Variants in GALNTL6 observed in about 807,000 individuals in gnomAD.
GALNTL6 encodes polypeptide N-acetylgalactosaminyltransferase like 6, also known as polypeptide N-acetylgalactosaminyltransferase-like 6.
In GALNTL6, 46 loss-of-function variants were observed where a neutral mutation model predicts 73.7. The observed-to-expected ratio is 0.62, with a 90% CI of 0.49 to 0.80. GALNTL6 has a LOEUF of 0.80. Among genes scored for constraint, GALNTL6 ranks in the 30% least tolerant of loss-of-function variants. The pLI is 0.00. For synonymous variants in GALNTL6, 259 were observed against 263.7 expected (o/e 0.98, Z 0.17); for missense variants, 604 against 755.0 (o/e 0.80, Z 2.34).
At chr4:172,682,247 A>C (rs1411428735) in intron 5 of GALNTL6, among the ~76,000 whole-genome samples, 1 of 152,126 alleles carries the variant, frequency 6.6e-6, no homozygotes, top group African/African-American at 2.4e-5. Flanking sequence ...TAAAAAAAAG[A>C]ATTCTTCTTT....
At chr4:172,785,545 T>TA in intron 5 of GALNTL6, among the ~76,000 whole-genome samples, 1 of 152,086 alleles carries the variant, frequency 6.6e-6, no homozygotes, top group Middle Eastern at 3.4e-3. Flanking sequence ...AGTTATAGCA[T>TA]AAAAAAAGTC....
At chr4:172,265,711 T>A (rs11944830) in intron 3 of GALNTL6, among the ~76,000 whole-genome samples, 86,117 of 151,926 alleles carry the variant, frequency 0.57, 25,644 homozygotes, top group African/African-American at 0.77. Flanking sequence ...CTTAGTGTTC[T>A]TATGCATAAT....
At chr4:172,020,930 A>T (rs1046910834) in intron 2 of GALNTL6, among the ~76,000 whole-genome samples, 20 of 152,178 alleles carry the variant, frequency 1.3e-4, no homozygotes, top group African/African-American at 4.6e-4. Context: ...TGAATTCAAC[A>T]ACACATTGAA....
intron 10 of GALNTL6, among the ~76,000 whole-genome samples, chr4:172,978,268 T>C (rs1044850998): frequency 1.3e-5 from 2 of 152,188 alleles, no homozygotes. Flanking sequence ...GCTTCTTGGG[T>C]TGACTGTATA....
Position 172,242,009 on chromosome 4 carries a change from T to G in GALNTL6, c.247+12245T>G, listed in dbSNP as rs146370832. ...TCCTTTAATACAGTATAAAAGAGAA[T>G]GTACATTTTGATATTGATTCATTAT... is the stretch of plus-strand genomic sequence containing the variant. On this transcript the variant is annotated intron_variant, in intron 3 of 12. Coordinates refer to ENST00000506823, the MANE Select transcript of GALNTL6 (RefSeq NM_001034845.3). 8.1e-3 allele frequency among the ~76,000 whole-genome samples: 1,234 copies of G among 152,270 alleles called. 22 individuals are homozygous for G. The highest frequency in any genetic ancestry group is 0.028 in the African/African-American group (1,171 of 41,568).
intron 2 of GALNTL6, among the ~76,000 whole-genome samples, chr4:172,206,790 TTG>T (rs1213252054): frequency 3.9e-5 from 2 of 51,000 alleles, no homozygotes; most frequent in Admixed American, 2.6e-4. Flanking sequence ...TTGTTTTGTT[TTG>T]TTTTGTTTTT....
chr4:172,653,732 A>C (rs1286678955), intron 5 of GALNTL6, among the ~76,000 whole-genome samples: 4 of 152,226 alleles, frequency 2.6e-5, no homozygotes, highest in African/African-American at 9.6e-5. Context: ...AAACATATAG[A>C]TAATTTCATG....
At chr4:173,034,076 A>G (rs1425807425) in intron 12 of GALNTL6, among the ~76,000 whole-genome samples, 1 of 152,106 alleles carries the variant, frequency 6.6e-6, no homozygotes, top group African/African-American at 2.4e-5. Flanking sequence ...TTTCCTCTAG[A>G]CATCCACCTC....
intron 11 of GALNTL6, among the ~76,000 whole-genome samples, chr4:173,020,064 G>A (rs571791101): frequency 7.9e-5 from 12 of 152,318 alleles, no homozygotes; most frequent in South Asian, 2.1e-4. Context: ...CCAGCCTGCC[G>A]TAAGTCCTAT....
intron 5 of GALNTL6, among the ~76,000 whole-genome samples, chr4:172,706,135 ATTTG>A (rs1446919769): frequency 1.3e-5 from 2 of 151,990 alleles, no homozygotes; most frequent in Non-Finnish European, 2.9e-5. Flanking sequence ...TATCCTCTAG[ATTTG>A]TAAGCATTCT....
chr4:171,884,916 G>A (rs1229961065), intron 2 of GALNTL6, among the ~76,000 whole-genome samples: 1 of 152,002 alleles, frequency 6.6e-6, no homozygotes, highest in Non-Finnish European at 1.5e-5. Flanking sequence ...AATTAGCTGA[G>A]TGTGGTGGTG....
chr4:171,892,752 C>T (rs775595299), intron 2 of GALNTL6, among the ~76,000 whole-genome samples: 4 of 152,010 alleles, frequency 2.6e-5, no homozygotes, highest in African/African-American at 4.8e-5. Flanking sequence ...TTTGTATAGA[C>T]GAGGTCTTGC....
At chr4:172,015,140 G>A (rs1276770488) in intron 2 of GALNTL6, among the ~76,000 whole-genome samples, 1 of 152,060 alleles carries the variant, frequency 6.6e-6, no homozygotes, top group African/African-American at 2.4e-5. Context: ...ATCTAATGCT[G>A]TCAGTGGAGT....
At chr4:172,120,478 T>C (rs916042476) in intron 2 of GALNTL6, among the ~76,000 whole-genome samples, 1 of 152,094 alleles carries the variant, frequency 6.6e-6, no homozygotes, top group Non-Finnish European at 1.5e-5. Context: ...ATAACTTTCT[T>C]TTATAAGGAC....
chr4:172,333,572 C>T (rs1238746986), intron 4 of GALNTL6, among the ~76,000 whole-genome samples: 2 of 152,138 alleles, frequency 1.3e-5, no homozygotes, highest in Non-Finnish European at 2.9e-5. Context: ...TAATTTCTCC[C>T]ATTAAACAGT....
At chr4:172,527,602 A>C (rs1303618373) in intron 5 of GALNTL6, among the ~76,000 whole-genome samples, 1 of 152,168 alleles carries the variant, frequency 6.6e-6, no homozygotes. Flanking sequence ...ACCACTTTGC[A>C]TATAACCAGG....
At chr4:171,889,857 A>G (rs1323676214) in intron 2 of GALNTL6, among the ~76,000 whole-genome samples, 1 of 152,122 alleles carries the variant, frequency 6.6e-6, no homozygotes, top group African/African-American at 2.4e-5. Context: ...GTAAAAGTCA[A>G]GTCATTTTCT....
intron 2 of GALNTL6, among the ~76,000 whole-genome samples, chr4:171,955,781 A>ATATATAAATG (rs1229130980): frequency 2.6e-5 from 4 of 151,904 alleles, no homozygotes; most frequent in Non-Finnish European, 4.4e-5. Context: ...GTATATATAT[A>ATATATAAATG]TATAAATGGC....
intron 5 of GALNTL6, among the ~76,000 whole-genome samples, chr4:172,372,303 G>C (rs1391071308): frequency 6.6e-6 from 1 of 152,096 alleles, no homozygotes; most frequent in Non-Finnish European, 1.5e-5. Flanking sequence ...CAGGGTTGAG[G>C]GCCACGCATA....
Sources: allele counts gnomAD v4.1 joint callset (sites outside exome capture counted in the v4.1 genomes callset), GRCh38; gene constraint gnomAD v4.1.1; transcripts MANE v1.5; gene names NCBI Gene and HGNC (gene_info 2026-07-23, HGNC 2026-07-21).